Variants in DSC3 observed in about 807,000 individuals in gnomAD.
The protein encoded by DSC3 is desmocollin-3.
DSC3 carries 97 observed loss-of-function variants against 89.5 expected under a neutral mutation model. The observed-to-expected ratio is 1.08, with a 90% CI of 0.92 to 1.28. The LOEUF (loss-of-function observed/expected upper bound fraction) is 1.28. DSC3 is among the 50% of genes most tolerant of loss of function. DSC3 has a pLI of 0.00. For synonymous variants in DSC3, 436 were observed against 384.1 expected (o/e 1.14, Z -1.58); for missense variants, 1,199 against 1,085.3 (o/e 1.10, Z -1.47).
chr18:30,994,433 A>G (rs1984386847), intron 15 of DSC3, 61 bp from the exon 16 acceptor site: 1 of 1,589,494 alleles, frequency 6.3e-7, no homozygotes, highest in Non-Finnish European at 8.6e-7. Flanking sequence ...ATATATGAAC[A>G]TAAAATTTAT....
chr18:31,021,126 C>T (rs1356267553), intron 7 of DSC3, among the ~76,000 whole-genome samples: 1 of 151,732 alleles, frequency 6.6e-6, no homozygotes, highest in African/African-American at 2.4e-5. Flanking sequence ...GGTTGTTGCC[C>T]ACAAAATCTG....
intron 9 of DSC3, among the ~76,000 whole-genome samples, chr18:31,016,408 G>T (rs1001906700): frequency 5.9e-5 from 9 of 152,226 alleles, no homozygotes; most frequent in African/African-American, 1.4e-4. Flanking sequence ...CCTGCATCAG[G>T]AGGAAGAGGG....
chr18:31,023,725 G>T (rs1159028101), intron 6 of DSC3, among the ~76,000 whole-genome samples: 2 of 152,210 alleles, frequency 1.3e-5, no homozygotes, highest in East Asian at 3.9e-4. Context: ...CATATTACAA[G>T]TCTCAGAAGC....
chr18:31,028,244 C>T (rs553704379), intron 4 of DSC3, among the ~76,000 whole-genome samples: 1 of 152,128 alleles, frequency 6.6e-6, no homozygotes, highest in East Asian at 1.9e-4. Context: ...GAGGAAGATC[C>T]AGCCAAACAT....
chr18:31,029,632 A>T lies in DSC3; in HGVS notation c.355-4T>A. 1 of 1,613,624 alleles carries T rather than the reference A, an allele frequency of 6.2e-7. No individual in the cohort carries two copies. The highest frequency in any genetic ancestry group is 1.1e-5 in the South Asian group (1 of 91,062). On this transcript the variant is annotated splice_region_variant and splice_polypyrimidine_tract_variant and intron_variant, in intron 3 of 15. Coordinates refer to ENST00000360428, the MANE Select transcript of DSC3 (RefSeq NM_001941.5). The stretch of plus-strand genomic sequence containing the variant: ...TAGTGTGTCTTGTCTTCGATACCTG[A>T]ATTTAGAGAAAAACAAATACATGAA...
chr18:31,015,867 T>G (rs1172042799), intron 9 of DSC3, among the ~76,000 whole-genome samples: 2 of 152,210 alleles, frequency 1.3e-5, no homozygotes, highest in African/African-American at 4.8e-5. Flanking sequence ...ACTTGTTTTC[T>G]GAGCATCAGT....
At position 31,008,258 on chromosome 18, in the gene DSC3, T is replaced by C. The variant is rs1294009632; in HGVS notation, c.1520+11A>G. 8 of 1,613,666 alleles carry C rather than the reference T, an allele frequency of 5.0e-6. No homozygotes were observed. Among genetic ancestry groups the C allele is most frequent in the Non-Finnish European group, 6.8e-6 (8 of 1,179,830 alleles). On this transcript the variant is annotated intron_variant, in intron 10 of 15. Transcript: ENST00000360428. The stretch of plus-strand genomic sequence containing the variant: ...TACATTATTAGTATGTGGTTATAGA[T>C]TTATTTTTACCTTAAACCATTGCCA...
intron 12 of DSC3, among the ~76,000 whole-genome samples, chr18:31,006,080 T>C (rs999967183): frequency 6.6e-6 from 1 of 152,100 alleles, no homozygotes; most frequent in African/African-American, 2.4e-5. Flanking sequence ...GAATGAAGTA[T>C]GGATGAAGTA....
intron 3 of DSC3, 102 bp from the exon 4 acceptor site, chr18:31,029,730 T>C (rs1598549782): frequency 6.8e-7 from 1 of 1,473,162 alleles, no homozygotes; most frequent in East Asian, 2.3e-5. Flanking sequence ...CTTTGGAGTT[T>C]CAGTGTCAGG....
In DSC3 at chr18:31,031,135, G is replaced by C; in HGVS notation, c.192C>G (p.Ile64Met). 1 of 1,613,386 alleles carries C rather than the reference G, an allele frequency of 6.2e-7. No individual in the cohort carries two copies. Among genetic ancestry groups the C allele is most frequent in the Non-Finnish European group, 8.5e-7 (1 of 1,179,756 alleles). Residue 64 changes from isoleucine (I) to methionine (M), a missense_variant, in exon 3 of 16, where the codon ATC becomes ATG. Physicochemically the swap from Ile to Met is conservative, Grantham distance 10. Coordinates refer to ENST00000360428, the MANE Select transcript of DSC3 (RefSeq NM_001941.5). ...LEECFRSADL[I>M]RSSDPDFRVL... ...CTCTGAAATCAGGATCACTTGACCG[G>C]ATGAGGTCTGCAGACCTGAAGCACT...
At chr18:31,022,238 A>G (rs796882134) in intron 7 of DSC3, 98 bp downstream of exon 7, 73 of 1,425,210 alleles carry the variant, frequency 5.1e-5, no homozygotes, top group Non-Finnish European at 6.5e-5. Flanking sequence ...GCCTAAAATA[A>G]AATTAAACTA....
chr18:31,007,214 T>C lies in DSC3; in HGVS notation c.1664-83A>G, dbSNP rs2047083. On this transcript the variant is annotated intron_variant, in intron 11 of 15. Coordinates refer to ENST00000360428, the MANE Select transcript of DSC3 (RefSeq NM_001941.5). ...AGAATAAAAAGTCAATTATATTCTA[T>C]ACATGATCTGTTTTTAAATAAACTG... 87,508 of 922,002 alleles carry C rather than the reference T, an allele frequency of 0.095. 5,256 individuals carry two copies. Among genetic ancestry groups the C allele is most frequent in the African/African-American group, 0.19 (11,399 of 59,564 alleles). The allele number at this position is 922,002 out of a possible 1,614,324, so 57.1% of individuals were successfully genotyped here.
chr18:31,010,472 C>T (rs114587609), intron 9 of DSC3, among the ~76,000 whole-genome samples: 42 of 152,190 alleles, frequency 2.8e-4, no homozygotes, highest in African/African-American at 9.2e-4. Flanking sequence ...TTTTTCGAGG[C>T]TTAAGATGGA....
At chr18:30,997,767 T>C (rs1173034478) in intron 14 of DSC3, among the ~76,000 whole-genome samples, 3 of 152,114 alleles carry the variant, frequency 2.0e-5, no homozygotes, top group Non-Finnish European at 4.4e-5. Context: ...AGCATTAAAA[T>C]TCAAATCCAA....
intron 7 of DSC3, among the ~76,000 whole-genome samples, chr18:31,020,420 AC>A (rs1195928983): frequency 2.0e-5 from 3 of 152,202 alleles, no homozygotes; most frequent in Non-Finnish European, 4.4e-5. Flanking sequence ...CCAGCAATAG[AC>A]AAGGACTTAA....
chr18:31,029,531 G>A lies in DSC3; in HGVS notation c.452C>T (p.Pro151Leu), dbSNP rs1985710182. 3 of 1,613,718 alleles carry A rather than the reference G, an allele frequency of 1.9e-6. No individual in the cohort carries two copies. The highest frequency in any genetic ancestry group is 1.7e-5 in the Admixed American group (1 of 59,998). Residue 151 changes from proline (P) to leucine (L), a missense_variant, in exon 4 of 16, where the codon CCT becomes CTT. Pro to Leu is a moderately conservative substitution (Grantham distance 98, BLOSUM62 -3). Coordinates refer to ENST00000360428, the MANE Select transcript of DSC3 (RefSeq NM_001941.5). ...TACTTGTTGAAGAAACAATGGGAAAGGGCCCAAGGAATTCTCTTGCATAGA... is the reference window on the plus strand; with the variant it reads ...TACTTGTTGAAGAAACAATGGGAAAAGGCCCAAGGAATTCTCTTGCATAGA... ...PCSMQENSLG[P>L]FPLFLQQVES...
chr18:31,041,135 TC>T (rs2144747043), intron 1 of DSC3, among the ~76,000 whole-genome samples: 1 of 152,286 alleles, frequency 6.6e-6, no homozygotes, highest in East Asian at 1.9e-4. Context: ...CTCCTGGTCT[TC>T]CATGGCCTCT....
chr18:30,995,432 ACCCATT>A (rs2144670418), intron 15 of DSC3, among the ~76,000 whole-genome samples: 1 of 152,292 alleles, frequency 6.6e-6, no homozygotes, highest in Admixed American at 6.5e-5. Flanking sequence ...CCAGAGTATC[ACCCATT>A]TGCATTCCAT....
At chr18:31,027,745 G>T (rs1985648251) in intron 4 of DSC3, among the ~76,000 whole-genome samples, 1 of 152,112 alleles carries the variant, frequency 6.6e-6, no homozygotes, top group Non-Finnish European at 1.5e-5. Flanking sequence ...AGATACTGTG[G>T]TATAGCTAGC....
Sources: gnomAD v4.1 joint callset for allele counts (sites outside exome capture counted in the v4.1 genomes callset) on GRCh38, gnomAD v4.1.1 for gene constraint, MANE v1.5 for transcripts, NCBI Gene and HGNC (gene_info 2026-07-23, HGNC 2026-07-21) for gene names.